INPP4B: variants seen among roughly 807,000 people sequenced by gnomAD.
INPP4B encodes the protein inositol polyphosphate-4-phosphatase type II B.
In INPP4B, 55 loss-of-function variants were observed where a neutral mutation model predicts 122.5. The ratio of observed to expected loss-of-function variants is 0.45; its 90% CI spans 0.36 to 0.56. The LOEUF (loss-of-function observed/expected upper bound fraction) is 0.56. Among genes scored for constraint, INPP4B ranks in the 20% least tolerant of loss-of-function variants. The pLI is 0.00. For synonymous variants in INPP4B, 403 were observed against 388.7 expected (o/e 1.04, Z -0.43); for missense variants, 1,000 against 1,097.7 (o/e 0.91, Z 1.26).
intron 1 of INPP4B, among the ~76,000 whole-genome samples, chr4:142,808,703 T>C (rs1272340249): frequency 1.3e-5 from 2 of 152,300 alleles, no homozygotes; most frequent in South Asian, 2.1e-4. Flanking sequence ...TAATTTATGA[T>C]CAGAACACTA....
At chr4:142,606,561 AG>A (rs1352241052) in intron 2 of INPP4B, among the ~76,000 whole-genome samples, 1 of 151,970 alleles carries the variant, frequency 6.6e-6, no homozygotes, top group Non-Finnish European at 1.5e-5. Flanking sequence ...GGGTAAAAAA[AG>A]AAGCATTAAA....
intron 7 of INPP4B, among the ~76,000 whole-genome samples, chr4:142,364,262 T>C (rs1335293141): frequency 6.6e-6 from 1 of 152,030 alleles, no homozygotes; most frequent in East Asian, 1.9e-4. Context: ...CTTCAGAGCT[T>C]TCTAAGACAG....
At chr4:142,623,237 C>T (rs929433541) in intron 2 of INPP4B, among the ~76,000 whole-genome samples, 19 of 151,900 alleles carry the variant, frequency 1.3e-4, no homozygotes, top group African/African-American at 3.4e-4. Context: ...AGTCTGACAC[C>T]GTCCATTTCT....
chr4:142,677,875 A>G (rs1473452093), intron 2 of INPP4B, among the ~76,000 whole-genome samples: 3 of 152,014 alleles, frequency 2.0e-5, no homozygotes, highest in Admixed American at 1.3e-4. Flanking sequence ...TAGCATTAGG[A>G]GAAATACCTA....
chr4:142,271,112 TGCC>T (rs1236485317), intron 9 of INPP4B, among the ~76,000 whole-genome samples: 2 of 144,930 alleles, frequency 1.4e-5, no homozygotes, highest in African/African-American at 5.1e-5. Flanking sequence ...TACAGGCATG[TGCC>T]ACCATGCCTG....
intron 7 of INPP4B, among the ~76,000 whole-genome samples, chr4:142,367,528 T>C (rs1788014473): frequency 6.6e-6 from 1 of 152,100 alleles, no homozygotes; most frequent in Non-Finnish European, 1.5e-5. Context: ...CCTGTCTCCA[T>C]TTCACGAAGA....
chr4:142,790,012 A>T (rs1257254817), intron 1 of INPP4B, among the ~76,000 whole-genome samples: 1 of 152,080 alleles, frequency 6.6e-6, no homozygotes, highest in Non-Finnish European at 1.5e-5. Context: ...TGGTGCTGGG[A>T]TAATTGGCTA....
At chr4:142,339,473 A>T (rs567530529) in intron 7 of INPP4B, among the ~76,000 whole-genome samples, 1 of 152,226 alleles carries the variant, frequency 6.6e-6, no homozygotes, top group Non-Finnish European at 1.5e-5. Context: ...CCCTGGAAAT[A>T]TGAAAAGTAA....
chr4:142,366,959 A>AGTG (rs1359693102), intron 7 of INPP4B, among the ~76,000 whole-genome samples: 1 of 152,144 alleles, frequency 6.6e-6, no homozygotes, highest in Non-Finnish European at 1.5e-5. Flanking sequence ...GGATGCAAGA[A>AGTG]GTGCTAGTGA....
rs1365700776 is a variant in INPP4B, at chr4:142,250,541, GATAA to G, written c.688+9947_688+9950del. ...CAAAGTTGCTGAGTTTAGATAGATA[GATAA>G]ATAAATAGAACAAAAGATTAAAGTG... On this transcript the variant is annotated intron_variant, in intron 11 of 25. Coordinates refer to ENST00000262992, the MANE Select transcript of INPP4B (RefSeq NM_001101669.3). Among the ~76,000 whole-genome samples, 6 of 152,274 alleles carry G rather than the reference GATAA, an allele frequency of 3.9e-5. No homozygotes were observed. In the South Asian group the frequency reaches 1.2e-3, roughly 32 times the overall value.
At chr4:142,462,927 G>A (rs996506544) in intron 2 of INPP4B, among the ~76,000 whole-genome samples, 1 of 152,170 alleles carries the variant, frequency 6.6e-6, no homozygotes, top group African/African-American at 2.4e-5. Flanking sequence ...AGCCCATAGA[G>A]CCCCTCTAGA....
At chr4:142,401,040 C>T (rs914949924) in intron 7 of INPP4B, among the ~76,000 whole-genome samples, 2 of 152,170 alleles carry the variant, frequency 1.3e-5, no homozygotes, top group African/African-American at 4.8e-5. Flanking sequence ...CATGCCCCAC[C>T]CTATGTCTTC....
At chr4:142,053,675 C>T (rs962939333) in intron 25 of INPP4B, among the ~76,000 whole-genome samples, 1 of 151,990 alleles carries the variant, frequency 6.6e-6, no homozygotes, top group South Asian at 2.1e-4. Context: ...AATTTTTCTC[C>T]AAGAAACCAT....
intron 15 of INPP4B, among the ~76,000 whole-genome samples, chr4:142,181,669 T>C (rs1001154468): frequency 2.0e-5 from 3 of 152,212 alleles, no homozygotes; most frequent in African/African-American, 7.2e-5. Context: ...CTTATAATAT[T>C]TTACTATTAT....
intron 1 of INPP4B, among the ~76,000 whole-genome samples, chr4:142,777,271 T>C (rs986017826): frequency 6.6e-6 from 1 of 152,154 alleles, no homozygotes. Context: ...AGGGCGTAAC[T>C]CTTGTAATTA....
chr4:142,299,169 TGGG>T (rs71250020), intron 9 of INPP4B, among the ~76,000 whole-genome samples: 8 of 145,710 alleles, frequency 5.5e-5, no homozygotes, highest in South Asian at 2.2e-4. Context: ...TTTTTTTTTT[TGGG>T]GGGGAGACAG....
intron 18 of INPP4B, among the ~76,000 whole-genome samples, chr4:142,132,091 T>C (rs898356337): frequency 6.6e-6 from 1 of 152,226 alleles, no homozygotes; most frequent in Admixed American, 6.5e-5. Flanking sequence ...AATTTTTCGA[T>C]GTAATTATGA....
At chr4:142,619,531 A>G (rs1279480632) in intron 2 of INPP4B, among the ~76,000 whole-genome samples, 3 of 152,090 alleles carry the variant, frequency 2.0e-5, no homozygotes, top group South Asian at 2.1e-4. Context: ...GGAGTTATAT[A>G]AAAGAGTCAG....
chr4:142,384,020 G>A, intron 7 of INPP4B: 1 of 697,288 alleles, frequency 1.4e-6, no homozygotes, highest in Non-Finnish European at 2.6e-6. Flanking sequence ...CCATCCTGCA[G>A]ACATTTGAAC....
Sources: allele counts gnomAD v4.1 joint callset (sites outside exome capture counted in the v4.1 genomes callset), GRCh38; gene constraint gnomAD v4.1.1; transcripts MANE v1.5; gene names NCBI Gene and HGNC (gene_info 2026-07-23, HGNC 2026-07-21).